APBB2: variants seen among roughly 807,000 people sequenced by gnomAD.
APBB2 encodes the protein Fe65-like 1.
A neutral mutation model predicts 82.5 loss-of-function variants in APBB2; 38 were observed. The ratio of observed to expected loss-of-function variants is 0.46; its 90% CI spans 0.36 to 0.60. APBB2 has a LOEUF of 0.60. APBB2 is among the 20% of genes least tolerant of loss of function. The pLI, the probability that APBB2 is intolerant of heterozygous loss-of-function variation, is 0.00. For synonymous variants in APBB2, 341 were observed against 368.2 expected (o/e 0.93, Z 0.85); for missense variants, 772 against 972.3 (o/e 0.79, Z 2.74).
chr4:40,987,555 G>C (rs1800721433), intron 6 of APBB2, among the ~76,000 whole-genome samples: 1 of 151,950 alleles, frequency 6.6e-6, no homozygotes, highest in Non-Finnish European at 1.5e-5. Context: ...CTAACTCTTT[G>C]AAATGTATTT....
At chr4:41,118,377 T>G (rs1440457155) in intron 2 of APBB2, among the ~76,000 whole-genome samples, 1 of 152,138 alleles carries the variant, frequency 6.6e-6, no homozygotes, top group Admixed American at 6.6e-5. Flanking sequence ...GACTTCAATT[T>G]CTAAGCCTCC....
intron 4 of APBB2, among the ~76,000 whole-genome samples, chr4:41,040,117 G>A (rs1045573613): frequency 6.6e-6 from 1 of 152,008 alleles, no homozygotes; most frequent in African/African-American, 2.4e-5. Flanking sequence ...TTGTCTTTCT[G>A]ACATTAGTGA....
In APBB2 at chr4:41,155,229, A is replaced by C. The variant is rs1164214327; in HGVS notation, c.-416-12087T>G. 3.3e-5 allele frequency among the ~76,000 whole-genome samples: 5 copies of C among 152,188 alleles called. No homozygotes were observed. The East Asian group carries it at 9.6e-4, about 29-fold the overall frequency. Reference sequence around the variant, plus strand: ...TCTGAAACCTAATTCCAGGATTCTTATTTGGAACTGTTTTTTTGTTTTTGT... The same window carrying C: ...TCTGAAACCTAATTCCAGGATTCTTCTTTGGAACTGTTTTTTTGTTTTTGT... On this transcript the variant is annotated intron_variant, in intron 1 of 17. Coordinates refer to ENST00000508593, the MANE Select transcript of APBB2 (RefSeq NM_004307.2).
intron 10 of APBB2, among the ~76,000 whole-genome samples, chr4:40,928,819 C>T (rs563797378): frequency 6.2e-4 from 85 of 136,420 alleles, no homozygotes; most frequent in African/African-American, 2.2e-3. Context: ...CAGAAGGCGG[C>T]GGTTGCAGTG....
intron 6 of APBB2, among the ~76,000 whole-genome samples, chr4:40,984,226 T>C (rs114205817): frequency 0.032 from 4,931 of 152,158 alleles, 122 homozygotes; most frequent in Middle Eastern, 0.075. Flanking sequence ...ATGGATGAAA[T>C]GCCAGGAGCT....
intron 1 of APBB2, among the ~76,000 whole-genome samples, chr4:41,164,764 A>G (rs1766060822): frequency 6.6e-6 from 1 of 152,226 alleles, no homozygotes; most frequent in Admixed American, 6.5e-5. Context: ...TACAAAGGGT[A>G]AATTCCAGTT....
intron 2 of APBB2, among the ~76,000 whole-genome samples, chr4:41,142,034 G>A (rs1443700761): frequency 6.6e-6 from 1 of 152,170 alleles, no homozygotes; most frequent in Non-Finnish European, 1.5e-5. Flanking sequence ...TACATAGGGT[G>A]AAAATGAAAC....
intron 3 of APBB2, among the ~76,000 whole-genome samples, chr4:41,095,544 A>G (rs1323228209): frequency 3.9e-5 from 6 of 152,186 alleles, no homozygotes; most frequent in Non-Finnish European, 5.9e-5. Flanking sequence ...ACACTGTTTC[A>G]TCTTATCTAA....
chr4:40,841,164 G>A (rs1320359730), intron 12 of APBB2, among the ~76,000 whole-genome samples: 1 of 152,166 alleles, frequency 6.6e-6, no homozygotes, highest in Non-Finnish European at 1.5e-5. Flanking sequence ...GGGGAAAACA[G>A]CCACCAGCAG....
intron 6 of APBB2, among the ~76,000 whole-genome samples, chr4:40,982,349 AGG>A (rs1799053248): frequency 2.8e-4 from 4 of 14,282 alleles, no homozygotes; most frequent in Non-Finnish European, 4.2e-4. Flanking sequence ...GAAGGAAGGA[AGG>A]AAGGAAGGAA....
At position 41,010,575 on chromosome 4, in the gene APBB2, T is replaced by C. The variant is rs58753301; in HGVS notation, c.835+3008A>G. 9.4e-3 allele frequency among the ~76,000 whole-genome samples: 1,431 copies of C among 152,146 alleles called. 28 individuals are homozygous for C. Among genetic ancestry groups the C allele is most frequent in the African/African-American group, 0.033 (1,362 of 41,484 alleles). ...AAGAGTCCCAGTAGGTAGACTGGAGTGCACAAACTTTGCCCTCTCCACAGG... is the reference window on the plus strand; with the variant it reads ...AAGAGTCCCAGTAGGTAGACTGGAGCGCACAAACTTTGCCCTCTCCACAGG... On this transcript the variant is annotated intron_variant, in intron 6 of 17. Coordinates refer to ENST00000508593, the MANE Select transcript of APBB2 (RefSeq NM_004307.2).
chr4:40,915,187 C>T (rs1451291251), intron 10 of APBB2, among the ~76,000 whole-genome samples: 1 of 152,202 alleles, frequency 6.6e-6, no homozygotes, highest in Non-Finnish European at 1.5e-5. Flanking sequence ...ATGGGCTCCC[C>T]CCACCCTCCC....
intron 1 of APBB2, among the ~76,000 whole-genome samples, chr4:41,195,640 T>G: frequency 6.6e-6 from 1 of 152,172 alleles, no homozygotes; most frequent in Non-Finnish European, 1.5e-5. Flanking sequence ...CTTCACATCT[T>G]CGTTGGCAGC....
chr4:40,867,654 C>CACATT (rs1300396377), intron 12 of APBB2, among the ~76,000 whole-genome samples: 1 of 152,170 alleles, frequency 6.6e-6, no homozygotes, highest in Non-Finnish European at 1.5e-5. Context: ...AATTAAAGTT[C>CACATT]CACACAAAGT....
intron 5 of APBB2, among the ~76,000 whole-genome samples, chr4:41,028,067 T>A (rs1715177297): frequency 6.6e-6 from 1 of 152,244 alleles, no homozygotes; most frequent in Non-Finnish European, 1.5e-5. Flanking sequence ...CTGGCACGTG[T>A]TTCCTCCTTT....
chr4:40,989,139 C>A (rs1232338895), intron 6 of APBB2, among the ~76,000 whole-genome samples: 1 of 152,152 alleles, frequency 6.6e-6, no homozygotes, highest in Non-Finnish European at 1.5e-5. Context: ...CCTCTTCCAC[C>A]TCACTTACTG....
intron 3 of APBB2, among the ~76,000 whole-genome samples, chr4:41,081,848 G>T (rs985963386): frequency 6.6e-6 from 1 of 152,184 alleles, no homozygotes; most frequent in African/African-American, 2.4e-5. Flanking sequence ...GATAGTCAAT[G>T]AAGTACTAAG....
chr4:40,907,379 A>ATATATTTTT (rs1491382228), intron 10 of APBB2, among the ~76,000 whole-genome samples: 3 of 37,394 alleles, frequency 8.0e-5, no homozygotes, highest in African/African-American at 3.7e-4. Flanking sequence ...ATATATATAT[A>ATATATTTTT]TTTTTTTTTT....
rs192876926 is a variant in APBB2 at position 40,835,078 on chromosome 4, C to T, written c.1530-4501G>A. Among the ~76,000 whole-genome samples the T allele has an allele frequency of 1.5e-3, 226 of 152,198 alleles. 1 individual carries two copies. The highest frequency in any genetic ancestry group is 5.2e-3 in the African/African-American group (215 of 41,522). On this transcript the variant is annotated intron_variant, in intron 12 of 17. Coordinates refer to ENST00000508593, the MANE Select transcript of APBB2 (RefSeq NM_004307.2). ...AGATCATGAGGTCAGGAGATCGAGACCATCCTGGCTAACACGTGAAACCCC... is the reference window on the plus strand; with the variant it reads ...AGATCATGAGGTCAGGAGATCGAGATCATCCTGGCTAACACGTGAAACCCC...
Sources: allele counts gnomAD v4.1 joint callset (sites outside exome capture counted in the v4.1 genomes callset), GRCh38; gene constraint gnomAD v4.1.1; transcripts MANE v1.5; gene names NCBI Gene and HGNC (gene_info 2026-07-23, HGNC 2026-07-21).